NFE2: variants seen among roughly 807,000 people sequenced by gnomAD.
NFE2 encodes the protein nuclear factor, erythroid 2, also known as transcription factor NF-E2 45 kDa subunit.
NFE2 carries 13 observed loss-of-function variants against 25.8 expected under a neutral mutation model. The ratio of observed to expected loss-of-function variants is 0.50; its 90% confidence interval spans 0.33 to 0.80. The LOEUF (loss-of-function observed/expected upper bound fraction) is 0.80, where lower values mean the gene tolerates loss of function less well. NFE2 is among the 30% of genes least tolerant of loss of function. NFE2 has a pLI of 0.02. For synonymous variants in NFE2, 204 were observed against 200.2 expected (o/e 1.02, Z -0.16); for missense variants, 382 against 478.9 (o/e 0.80, Z 1.89).
rs1490048604 is a variant in NFE2, at chr12:54,292,781, T to C, written c.715A>G (p.Thr239Ala). 1 of 1,614,086 alleles carries C rather than the reference T, an allele frequency of 6.2e-7. No homozygotes were observed. The highest frequency in any genetic ancestry group is 8.5e-7 in the Non-Finnish European group (1 of 1,180,012). The change falls in exon 3 of 3, where the codon ACG becomes GCG. Residue 239 changes from threonine to alanine, a missense_variant. By Grantham distance (58) the Thr-to-Ala change is moderately conservative. Coordinates refer to ENST00000435572, the MANE Select transcript of NFE2 (RefSeq NM_001136023.3). ...RALAMKIPFPTDKIVNLPVDD... is the reference protein window; with the variant it reads ...RALAMKIPFPADKIVNLPVDD... ...ACCGGCAAGTTGACAATCTTGTCCG[T>C]AGGAAAAGGAATCTTCATGGCCAAG... is the stretch of plus-strand genomic sequence containing the variant.
Position 54,292,473 on chromosome 12 carries a change from T to C in NFE2, c.1023A>G (p.Ser341=). 3 of 1,614,206 alleles carry C rather than the reference T, an allele frequency of 1.9e-6. No individual in the cohort carries two copies. Among genetic ancestry groups the C allele is most frequent in the Non-Finnish European group, 2.5e-6 (3 of 1,180,028 alleles). Reference sequence around the variant, plus strand: ...ACTCTTCAGGAGAGTAGCTGTTGCCTGATTCATCCCGAAGGTGCTGGAAAA... The same window carrying C: ...ACTCTTCAGGAGAGTAGCTGTTGCCCGATTCATCCCGAAGGTGCTGGAAAA... ...RDIFQHLRDE[S]GNSYSPEEYA... is the part of the protein sequence containing the mutation. The change falls in exon 3 of 3, where the codon TCA becomes TCG. Residue 341 remains serine, a synonymous_variant. Coordinates refer to ENST00000435572, the MANE Select transcript of NFE2 (RefSeq NM_001136023.3).
At chr12:54,297,538 G>A (rs554384167) in intron 1 of NFE2, among the ~76,000 whole-genome samples, 15 of 149,400 alleles carry the variant, frequency 1.0e-4, no homozygotes, top group Admixed American at 7.3e-4. Context: ...GGTGGTGGGC[G>A]CCTGTAATCC....
rs34318844 is a variant in NFE2, at chr12:54,295,378, G to A, written c.-56-74C>T. 331 of 641,538 alleles carry A rather than the reference G, an allele frequency of 5.2e-4. No individual in the cohort carries two copies. The African/African-American group carries it at 5.2e-3, about 10-fold the overall frequency. 39.7% of individuals were successfully genotyped at this position (641,538 alleles called of 1,614,324 possible). A position where few individuals can be genotyped will look rare whatever the true frequency, so the allele number is the denominator to read the frequency against. ...AAGTTTGCACTACCTCCTTGGAGGGGCTCCCTCCAGCTTCCCCTGAGGGAA... is the reference window on the plus strand; with the variant it reads ...AAGTTTGCACTACCTCCTTGGAGGGACTCCCTCCAGCTTCCCCTGAGGGAA... On this transcript the variant is annotated intron_variant, in intron 1 of 2. Coordinates refer to ENST00000435572, the MANE Select transcript of NFE2 (RefSeq NM_001136023.3).
In NFE2 at chr12:54,292,338, G is replaced by T; in HGVS notation, c.*36C>A. On this transcript the variant is annotated 3_prime_UTR_variant, in exon 3 of 3. Coordinates refer to ENST00000435572, the MANE Select transcript of NFE2 (RefSeq NM_001136023.3). ...GTACCTTTATCAGAAGGGAATGAAG[G>T]AAATCCCATCAGCAGTTCCACCCCT... 1 of 1,593,508 alleles carries T rather than the reference G, an allele frequency of 6.3e-7. No homozygotes were observed. Among genetic ancestry groups the T allele is most frequent in the South Asian group, 1.1e-5 (1 of 89,138 alleles).
At chr12:54,297,003 T>C (rs1944377600) in intron 1 of NFE2, among the ~76,000 whole-genome samples, 1 of 152,002 alleles carries the variant, frequency 6.6e-6, no homozygotes, top group Non-Finnish European at 1.5e-5. Context: ...GTCTTCCTGA[T>C]CTCTACGGTC....
At position 54,292,878 on chromosome 12, in the gene NFE2, C is replaced by T; in HGVS notation, c.618G>A (p.Glu206=). The part of the protein sequence containing the change: ...LPAAETPLAL[E]PSSGPVRAKP... ...TAGCCCGCACAGGGCCTGAGGAGGGCTCTAAGGCCAAGGGGGTCTCAGCAG... is the reference window on the plus strand; with the variant it reads ...TAGCCCGCACAGGGCCTGAGGAGGGTTCTAAGGCCAAGGGGGTCTCAGCAG... The change falls in exon 3 of 3, where the codon GAG becomes GAA. Residue 206 remains glutamate, a synonymous_variant. Transcript: ENST00000435572. The T allele has an allele frequency of 1.9e-6, 3 of 1,613,272 alleles. No homozygotes were observed. The highest frequency in any genetic ancestry group is 2.5e-6 in the Non-Finnish European group (3 of 1,179,366).
In NFE2 at chr12:54,295,293, G is replaced by A. The variant is rs1429222158; in HGVS notation, c.-45C>T. On this transcript the variant is annotated 5_prime_UTR_variant, in exon 2 of 3. Coordinates refer to ENST00000435572, the MANE Select transcript of NFE2 (RefSeq NM_001136023.3). ...GTCCAGGTTCCCGGAAAGCCCAGAT[G>A]GCTCTAGAAACCTGTGTCAAAGGAA... is the stretch of plus-strand genomic sequence containing the variant. 1.3e-6 allele frequency: 2 copies of A among 1,520,338 alleles called. No individual in the cohort carries two copies. Among genetic ancestry groups the A allele is most frequent in the Non-Finnish European group, 9.1e-7 (1 of 1,095,848 alleles). 94.2% of individuals were successfully genotyped at this position (1,520,338 alleles called of 1,614,324 possible).
In NFE2 at chr12:54,292,491, C is replaced by T; in HGVS notation, c.1005G>A (p.Gln335=). 1 of 1,614,206 alleles carries T rather than the reference C, an allele frequency of 6.2e-7. No homozygotes were observed. The highest frequency in any genetic ancestry group is 8.5e-7 in the Non-Finnish European group (1 of 1,180,028). Reference sequence around the variant, plus strand: ...TGTTGCCTGATTCATCCCGAAGGTGCTGGAAAATGTCACGGTACAGCTCTG... The same window carrying T: ...TGTTGCCTGATTCATCCCGAAGGTGTTGGAAAATGTCACGGTACAGCTCTG... ...QLTELYRDIF[Q]HLRDESGNSY... Residue 335 remains glutamine, a synonymous_variant, in exon 3 of 3, where the codon CAG becomes CAA. Coordinates refer to ENST00000435572, the MANE Select transcript of NFE2 (RefSeq NM_001136023.3).
chr12:54,298,762 C>T (rs1944397270), intron 1 of NFE2, among the ~76,000 whole-genome samples: 1 of 151,734 alleles, frequency 6.6e-6, no homozygotes. Flanking sequence ...TTTAAAAGTG[C>T]CTCAGTGGCC....
chr12:54,293,270 A>T lies in NFE2; in HGVS notation c.226T>A (p.Phe76Ile). The change falls in exon 3 of 3, where the codon TTC becomes ATC. Residue 76 changes from phenylalanine (F) to isoleucine (I), a missense_variant. Phe to Ile is a conservative substitution (Grantham distance 21). Transcript: ENST00000435572. The part of the protein sequence containing the change: ...CPCSIHPDSG[F>I]PLPPPPYELP... ...TCATAAGGTGGTGGAGGAAGTGGGA[A>T]GCCAGAATCTGGGTGGATTGAGCAG... is the stretch of plus-strand genomic sequence containing the variant. The T allele has an allele frequency of 6.2e-7, 1 of 1,612,280 alleles. No homozygotes were observed.
Position 54,293,028 on chromosome 12 carries a change from T to C in NFE2, c.468A>G (p.Glu156=). Residue 156 remains glutamate (E), a synonymous_variant, in exon 3 of 3, where the codon GAA becomes GAG. Transcript: ENST00000435572. ...CCTCTGTCCCCTCCAGCTCAAGAGA[T>C]TCAGCATCGCTATAGTTGAGGGATA... is the stretch of plus-strand genomic sequence containing the variant. The part of the protein sequence containing the change: ...SGLSLNYSDA[E]SLELEGTEAG... 1.3e-6 allele frequency: 2 copies of C among 1,528,654 alleles called. No homozygotes were observed. The highest frequency in any genetic ancestry group is 1.8e-6 in the Non-Finnish European group (2 of 1,138,362). 94.7% of individuals were successfully genotyped at this position (1,528,654 alleles called of 1,614,324 possible).
chr12:54,297,172 C>T (rs777208270), intron 1 of NFE2, among the ~76,000 whole-genome samples: 5 of 151,798 alleles, frequency 3.3e-5, no homozygotes, highest in South Asian at 2.1e-4. Flanking sequence ...CTGAGAAACA[C>T]GGTGAAAACC....
At chr12:54,298,932 T>G (rs989196370) in intron 1 of NFE2, among the ~76,000 whole-genome samples, 1 of 151,642 alleles carries the variant, frequency 6.6e-6, no homozygotes, top group Non-Finnish European at 1.5e-5. Context: ...ACACCTGTAA[T>G]CCCAGCTACT....
intron 2 of NFE2, among the ~76,000 whole-genome samples, chr12:54,294,641 G>A (rs1944353127): frequency 6.6e-6 from 1 of 152,156 alleles, no homozygotes; most frequent in African/African-American, 2.4e-5. Context: ...TGGGGACAAA[G>A]GCATCATTGT....
Position 54,292,857 on chromosome 12 carries a change from C to G in NFE2, c.639G>C (p.Arg213=). ...LALEPSSGPV[R]AKPTARGEAG... ...CCTCCCCCCGTGCAGTGGGCTTAGCCCGCACAGGGCCTGAGGAGGGCTCTA... is the reference window on the plus strand; with the variant it reads ...CCTCCCCCCGTGCAGTGGGCTTAGCGCGCACAGGGCCTGAGGAGGGCTCTA... Residue 213 remains arginine, a synonymous_variant, in exon 3 of 3, where the codon CGG becomes CGC. Coordinates refer to ENST00000435572, the MANE Select transcript of NFE2 (RefSeq NM_001136023.3). 1 of 1,614,132 alleles carries G rather than the reference C, an allele frequency of 6.2e-7. No homozygotes were observed. Among genetic ancestry groups the G allele is most frequent in the South Asian group, 1.1e-5 (1 of 91,074 alleles).
Position 54,295,211 on chromosome 12 carries a change from A to G in NFE2, c.38T>C (p.Val13Ala), listed in dbSNP as rs1327750711. 7 of 1,613,864 alleles carry G rather than the reference A, an allele frequency of 4.3e-6. No homozygotes were observed. Among genetic ancestry groups the G allele is most frequent in the Non-Finnish European group, 5.9e-6 (7 of 1,179,994 alleles). Reference protein sequence around the residue: ...PCPPQQSRNRVIQLSTSELGE... With the variant: ...PCPPQQSRNRAIQLSTSELGE... ...TAGCTCTGAAGTGGACAGCTGTATC[A>G]CCCTGTTCCTGCTCTGCTGGGGAGG... is the stretch of plus-strand genomic sequence containing the variant. Residue 13 changes from valine to alanine, a missense_variant, in exon 2 of 3, where the codon GTG becomes GCG. Val to Ala is a moderately conservative substitution (Grantham distance 64). Transcript: ENST00000435572.
intron 1 of NFE2, among the ~76,000 whole-genome samples, chr12:54,299,237 A>T (rs1453052300): frequency 6.6e-6 from 1 of 152,160 alleles, no homozygotes; most frequent in Non-Finnish European, 1.5e-5. Context: ...CACCAGGCAT[A>T]GGGTCCCTCT....
At position 54,293,201 on chromosome 12, in the gene NFE2, A is replaced by G. The variant is rs1565886066; in HGVS notation, c.295T>C (p.Tyr99His). The G allele has an allele frequency of 5.6e-6, 9 of 1,593,222 alleles. No homozygotes were observed. The highest frequency in any genetic ancestry group is 7.7e-6 in the Non-Finnish European group (9 of 1,169,026). Reference sequence around the variant, plus strand: ...GAGACTGGTATGGCCATGTTGCCATAGGAGTATGGGGGATCTGGGACATGG... The same window carrying G: ...GAGACTGGTATGGCCATGTTGCCATGGGAGTATGGGGGATCTGGGACATGG... ...TSHVPDPPYS[Y>H]GNMAIPVSKP... Residue 99 changes from tyrosine (Y) to histidine (H), a missense_variant, in exon 3 of 3, where the codon TAT becomes CAT. Tyr to His is a moderately conservative substitution (Grantham distance 83). Coordinates refer to ENST00000435572, the MANE Select transcript of NFE2 (RefSeq NM_001136023.3).
intron 1 of NFE2, among the ~76,000 whole-genome samples, chr12:54,300,509 T>C (rs1204991167): frequency 1.3e-5 from 2 of 152,160 alleles, no homozygotes; most frequent in Non-Finnish European, 2.9e-5. Flanking sequence ...GGATTCCTCC[T>C]GGCTACTCCC....
Sources: allele counts gnomAD v4.1 joint callset (sites outside exome capture counted in the v4.1 genomes callset), GRCh38; gene constraint gnomAD v4.1.1; transcripts MANE v1.5; gene names NCBI Gene and HGNC (gene_info 2026-07-23, HGNC 2026-07-21).